FARS2: variants seen among roughly 807,000 people sequenced by gnomAD.
FARS2 encodes phenylalanine--tRNA ligase, mitochondrial.
Under a neutral mutation model 46.4 loss-of-function variants are expected in FARS2, and 40 were observed. The observed-to-expected ratio is 0.86, with a 90% CI of 0.67 to 1.12. The LOEUF (loss-of-function observed/expected upper bound fraction) is 1.12. Ranked by LOEUF, FARS2 falls within the 50% of genes most tolerant of loss-of-function variation. The pLI, the probability that FARS2 is intolerant of heterozygous loss-of-function variation, is 0.00. For missense variants in FARS2, 513 were observed against 567.9 expected (o/e 0.90, Z 0.98); for synonymous variants, 234 against 214.9 (o/e 1.09, Z -0.78).
chr6:5,253,864 G>C, the FARS2 span, among the ~76,000 whole-genome samples: 1 of 151,178 alleles, frequency 6.6e-6, no homozygotes, highest in African/African-American at 2.4e-5. Flanking sequence ...GTTTTGAAGT[G>C]TTGTCTTCTC....
chr6:5,757,953 G>A (rs531439015), intron 6 of FARS2, among the ~76,000 whole-genome samples: 1 of 152,358 alleles, frequency 6.6e-6, no homozygotes, highest in Non-Finnish European at 1.5e-5. Flanking sequence ...TTTAAAAGTT[G>A]TTTTCATAGA....
At chr6:5,562,292 A>G (rs536624861) in intron 5 of FARS2, among the ~76,000 whole-genome samples, 31 of 151,642 alleles carry the variant, frequency 2.0e-4, no homozygotes, top group African/African-American at 6.8e-4. Flanking sequence ...TAGGGTGCCC[A>G]GTTAAGAAGT....
At chr6:5,706,420 T>C (rs76299995) in intron 6 of FARS2, among the ~76,000 whole-genome samples, 3,886 of 152,278 alleles carry the variant, frequency 0.026, 180 homozygotes, top group African/African-American at 0.089. Context: ...TCAGTAGTTC[T>C]AATCTTAAAG....
intron 4 of FARS2, among the ~76,000 whole-genome samples, chr6:5,434,571 T>A (rs1763411496): frequency 6.6e-6 from 1 of 152,236 alleles, no homozygotes; most frequent in Non-Finnish European, 1.5e-5. Context: ...TGTTTGGATG[T>A]CTGTAGTTAA....
At chr6:5,732,281 G>C (rs1187107906) in intron 6 of FARS2, among the ~76,000 whole-genome samples, 1 of 152,098 alleles carries the variant, frequency 6.6e-6, no homozygotes, top group Non-Finnish European at 1.5e-5. Context: ...GGTACGTGTC[G>C]GTGATATGGC....
chr6:5,427,109 T>C (rs1399956479), intron 3 of FARS2, among the ~76,000 whole-genome samples: 1 of 152,106 alleles, frequency 6.6e-6, no homozygotes, highest in Non-Finnish European at 1.5e-5. Context: ...CACATCATTG[T>C]ACACATTTAT....
intron 1 of FARS2, among the ~76,000 whole-genome samples, chr6:5,327,419 G>A (rs1000359612): frequency 1.3e-5 from 2 of 152,134 alleles, no homozygotes; most frequent in East Asian, 1.9e-4. Flanking sequence ...TAATCCCCAC[G>A]TGTCATGGGA....
intron 4 of FARS2, among the ~76,000 whole-genome samples, chr6:5,435,501 AG>A (rs1208080606): frequency 2.0e-5 from 3 of 152,210 alleles, no homozygotes; most frequent in Non-Finnish European, 1.5e-5. Context: ...TTCTTCCTTA[AG>A]TCGTAGTGTC....
At chr6:5,324,226 A>G (rs1042685045) in intron 1 of FARS2, among the ~76,000 whole-genome samples, 2 of 151,808 alleles carry the variant, frequency 1.3e-5, no homozygotes, top group African/African-American at 4.8e-5. Context: ...GTAGTGACAA[A>G]CTCTATTGTG....
chr6:5,771,161 A>T, intron 6 of FARS2, 130 bp from the exon 7 acceptor site: 1 of 947,624 alleles, frequency 1.1e-6, no homozygotes, highest in Non-Finnish European at 1.6e-6. Flanking sequence ...TGTTAGCGGT[A>T]AATGGTACCT....
rs146917734 is a variant in FARS2, at chr6:5,603,781, C to A, written c.1066-9388C>A. On this transcript the variant is annotated intron_variant, in intron 5 of 6. Transcript: ENST00000274680. Reference sequence around the variant, plus strand: ...TTAAATGTATTACCTCCGTAAAGATCCTGTCTTTAAGTAAGCTCGTATTCT... The same window carrying A: ...TTAAATGTATTACCTCCGTAAAGATACTGTCTTTAAGTAAGCTCGTATTCT... Among the ~76,000 whole-genome samples the A allele has an allele frequency of 1.5e-3, 229 of 152,292 alleles. 1 individual carries two copies. Among genetic ancestry groups the A allele is most frequent in the Middle Eastern group, 3.4e-3 (1 of 294 alleles).
intron 1 of FARS2, among the ~76,000 whole-genome samples, chr6:5,347,629 A>T (rs1757322189): frequency 6.6e-6 from 1 of 151,876 alleles, no homozygotes; most frequent in Non-Finnish European, 1.5e-5. Flanking sequence ...TGAATATACA[A>T]CTCTTTTTCT....
intron 1 of FARS2, among the ~76,000 whole-genome samples, chr6:5,276,609 CT>C (rs1766352257): frequency 6.6e-6 from 1 of 152,194 alleles, no homozygotes; most frequent in African/African-American, 2.4e-5. Context: ...TCCCTTTATT[CT>C]TTACGGAATG....
intron 3 of FARS2, among the ~76,000 whole-genome samples, chr6:5,405,032 C>T (rs2432776): frequency 0.065 from 9,834 of 151,960 alleles, 620 homozygotes; most frequent in African/African-American, 0.16. Flanking sequence ...CCCCTGGCCT[C>T]GTGATCCGCC....
In FARS2 at chr6:5,383,460, C is replaced by T. The variant is rs559862187; in HGVS notation, c.612+14278C>T. On this transcript the variant is annotated intron_variant, in intron 2 of 6. Coordinates refer to ENST00000274680, the MANE Select transcript of FARS2 (RefSeq NM_006567.5). ...AACACCAGCTTTTGAGCTAGCGAAA[C>T]GAGAGGCAAATCCTGGCTGTGCAAC... 2.8e-4 allele frequency among the ~76,000 whole-genome samples: 42 copies of T among 152,272 alleles called. 1 individual carries two copies. The South Asian group carries it at 7.5e-3, about 27-fold the overall frequency.
chr6:5,482,771 G>A (rs552607745), intron 4 of FARS2, among the ~76,000 whole-genome samples: 2 of 152,204 alleles, frequency 1.3e-5, no homozygotes, highest in Non-Finnish European at 2.9e-5. Context: ...GGGGGCCACT[G>A]GGCTGAGTCC....
At chr6:5,497,686 A>G (rs1405368375) in intron 4 of FARS2, among the ~76,000 whole-genome samples, 2 of 152,226 alleles carry the variant, frequency 1.3e-5, no homozygotes, top group Non-Finnish European at 2.9e-5. Context: ...TTCTCTAAAT[A>G]TATGTAAAAT....
At position 5,339,023 on chromosome 6, in the gene FARS2, G is replaced by A. The variant is rs545355526; in HGVS notation, c.-21-29527G>A. Among the ~76,000 whole-genome samples the A allele has an allele frequency of 2.0e-5, 3 of 152,242 alleles. No homozygotes were observed. The South Asian group carries it at 6.2e-4, about 32-fold the overall frequency. On this transcript the variant is annotated intron_variant, in intron 1 of 6. Coordinates refer to ENST00000274680, the MANE Select transcript of FARS2 (RefSeq NM_006567.5). ...TTGGTGAAAACGAGTTGAAACTAAA[G>A]TTTATATTTTTATATGGCTTTTTCA...
At chr6:5,448,163 G>C (rs1020134824) in intron 4 of FARS2, among the ~76,000 whole-genome samples, 8 of 152,302 alleles carry the variant, frequency 5.3e-5, no homozygotes, top group Admixed American at 4.6e-4. Flanking sequence ...CCTGGCATGT[G>C]AGGCTTTATA....
Sources: allele counts gnomAD v4.1 joint callset (sites outside exome capture counted in the v4.1 genomes callset), GRCh38; gene constraint gnomAD v4.1.1; transcripts MANE v1.5; gene names NCBI Gene and HGNC (gene_info 2026-07-23, HGNC 2026-07-21).